PDE1A: variants seen among roughly 807,000 people sequenced by gnomAD.
The protein encoded by PDE1A is phosphodiesterase 1A.
A neutral mutation model predicts 61.7 loss-of-function variants in PDE1A; 35 were observed. The observed-to-expected ratio is 0.57, with a 90% CI of 0.43 to 0.75. The LOEUF is 0.75. Ranked by LOEUF, PDE1A falls within the 30% of genes least tolerant of loss-of-function variation. PDE1A has a pLI of 0.00. For synonymous variants in PDE1A, 232 were observed against 213.2 expected, an observed-to-expected ratio of 1.09 and a Z score of -0.77; for missense variants, 597 against 630.6, an observed-to-expected ratio of 0.95 and a Z score of 0.57.
intron 1 of PDE1A, among the ~76,000 whole-genome samples, chr2:182,322,786 A>T (rs1450362302): frequency 6.6e-6 from 1 of 152,216 alleles, no homozygotes; most frequent in Admixed American, 6.5e-5. Context: ...AGTGATACAG[A>T]TAGGTGAAAC....
chr2:182,450,943 TGA>T (rs1685471026), intron 2 of PDE1A, among the ~76,000 whole-genome samples: 1 of 152,168 alleles, frequency 6.6e-6, no homozygotes, highest in Non-Finnish European at 1.5e-5. Context: ...TCTTTCCTTC[TGA>T]GAAATCTAAT....
the PDE1A span, among the ~76,000 whole-genome samples, chr2:182,714,888 G>T: frequency 2.6e-5 from 4 of 152,064 alleles, no homozygotes; most frequent in Admixed American, 1.3e-4. Context: ...TACCCTATTT[G>T]TCTAACATTC....
intron 1 of PDE1A, among the ~76,000 whole-genome samples, chr2:182,423,209 C>A (rs1285181440): frequency 6.6e-6 from 1 of 152,050 alleles, no homozygotes; most frequent in Non-Finnish European, 1.5e-5. Flanking sequence ...AAAATATATA[C>A]CTAAAATTTC....
At chr2:182,483,641 A>G (rs1437026569) in intron 2 of PDE1A, among the ~76,000 whole-genome samples, 1 of 151,920 alleles carries the variant, frequency 6.6e-6, no homozygotes, top group African/African-American at 2.4e-5. Context: ...ATATACCTAA[A>G]GCAGTGTTTT....
intron 1 of PDE1A, among the ~76,000 whole-genome samples, chr2:182,324,285 A>G (rs559508572): frequency 6.7e-4 from 102 of 152,152 alleles, no homozygotes; most frequent in Middle Eastern, 3.4e-3. Flanking sequence ...TTCCCTCACA[A>G]GAATCTTGAC....
At chr2:182,219,491 G>A (rs1408417547) in intron 7 of PDE1A, among the ~76,000 whole-genome samples, 1 of 152,018 alleles carries the variant, frequency 6.6e-6, no homozygotes, top group African/African-American at 2.4e-5. Flanking sequence ...TTAAAATGGT[G>A]AACTCGTTCA....
At chr2:182,313,585 T>C (rs1696136792) in intron 1 of PDE1A, among the ~76,000 whole-genome samples, 1 of 152,242 alleles carries the variant, frequency 6.6e-6, no homozygotes, top group South Asian at 2.1e-4. Flanking sequence ...CTTTAACTTG[T>C]TCTAGTTGAC....
intron 1 of PDE1A, among the ~76,000 whole-genome samples, chr2:182,298,973 A>G (rs756964622): frequency 2.6e-5 from 4 of 152,088 alleles, no homozygotes; most frequent in Admixed American, 2.0e-4. Context: ...ACAATCTCTC[A>G]GCCAGTGTTC....
chr2:182,475,283 C>A (rs554410249), intron 2 of PDE1A, among the ~76,000 whole-genome samples: 2 of 151,980 alleles, frequency 1.3e-5, no homozygotes, highest in Admixed American at 1.3e-4. Flanking sequence ...ACAGCAGCAA[C>A]AGGTGCAGAC....
the PDE1A span, among the ~76,000 whole-genome samples, chr2:182,612,241 G>C: frequency 6.6e-6 from 1 of 152,040 alleles, no homozygotes; most frequent in Non-Finnish European, 1.5e-5. Context: ...GGCTAATCAG[G>C]TTGCTTAGAC....
chr2:182,332,514 T>G (rs1697484731), intron 1 of PDE1A, among the ~76,000 whole-genome samples: 1 of 152,200 alleles, frequency 6.6e-6, no homozygotes, highest in Admixed American at 6.5e-5. Context: ...TCTTTGATGT[T>G]TGTGACCTTC....
At chr2:182,437,743 A>G (rs942580243) in intron 2 of PDE1A, among the ~76,000 whole-genome samples, 2 of 151,960 alleles carry the variant, frequency 1.3e-5, no homozygotes, top group Non-Finnish European at 2.9e-5. Context: ...TCCATCTAAT[A>G]TGATTCACTT....
intron 2 of PDE1A, among the ~76,000 whole-genome samples, chr2:182,489,090 A>AT (rs1688211645): frequency 3.3e-5 from 5 of 152,186 alleles, no homozygotes; most frequent in Admixed American, 2.6e-4. Context: ...GGTCAAAGAG[A>AT]GCTTTTCTGA....
intron 2 of PDE1A, among the ~76,000 whole-genome samples, chr2:182,472,091 T>C (rs573459894): frequency 1.3e-5 from 2 of 151,672 alleles, no homozygotes; most frequent in Admixed American, 1.3e-4. Flanking sequence ...AGAAAGGAAC[T>C]TAAAACACTG....
chr2:182,424,687 A>G (rs1428362531), intron 1 of PDE1A, among the ~76,000 whole-genome samples: 2 of 152,196 alleles, frequency 1.3e-5, no homozygotes, highest in Non-Finnish European at 1.5e-5. Context: ...ATCAGCCCCA[A>G]ACTTTCTCTG....
chr2:182,487,247 T>C (rs1688076766), intron 2 of PDE1A, among the ~76,000 whole-genome samples: 1 of 152,168 alleles, frequency 6.6e-6, no homozygotes, highest in South Asian at 2.1e-4. Flanking sequence ...AGGATTCTCA[T>C]TTTTTAAAAC....
chr2:182,270,715 T>C (rs914576473), intron 1 of PDE1A, among the ~76,000 whole-genome samples: 3 of 151,092 alleles, frequency 2.0e-5, no homozygotes, highest in African/African-American at 4.8e-5. Context: ...AGAAATTATA[T>C]ACCTATAATA....
At chr2:182,145,086 C>A (rs763020730), downstream of PDE1A, among the ~76,000 whole-genome samples, 2 of 152,192 alleles carry the variant, frequency 1.3e-5, no homozygotes, top group Non-Finnish European at 2.9e-5. Context: ...AAAAGACCTA[C>A]TTGTTTTGGG....
chr2:182,656,527 TA>T, the PDE1A span, among the ~76,000 whole-genome samples: 8 of 152,192 alleles, frequency 5.3e-5, no homozygotes, highest in Admixed American at 2.0e-4. Flanking sequence ...TGATGACCAA[TA>T]AAGTAAGACA....
Sources: allele counts gnomAD v4.1 joint callset (sites outside exome capture counted in the v4.1 genomes callset), GRCh38; gene constraint gnomAD v4.1.1; transcripts MANE v1.5; gene names NCBI Gene and HGNC (gene_info 2026-07-23, HGNC 2026-07-21).